Variants in MTFMT observed in about 807,000 individuals in gnomAD.
The protein encoded by MTFMT is mitochondrial methionyl-tRNA formyltransferase, also known as methionyl-tRNA formyltransferase, mitochondrial.
MTFMT carries 47 observed loss-of-function variants against 51.8 expected under a neutral mutation model. The observed-to-expected ratio is 0.91, with a 90% CI of 0.72 to 1.16. The LOEUF (loss-of-function observed/expected upper bound fraction) is 1.16. MTFMT is among the 50% of genes most tolerant of loss of function. The pLI, the probability that MTFMT is intolerant of heterozygous loss-of-function variation, is 0.00. For synonymous variants in MTFMT, 196 were observed against 176.7 expected (o/e 1.11, Z -0.87); for missense variants, 512 against 482.3 (o/e 1.06, Z -0.58).
At chr15:65,025,203 T>G (rs868683289) in intron 2 of MTFMT, among the ~76,000 whole-genome samples, 1 of 142,034 alleles carries the variant, frequency 7.0e-6, no homozygotes, top group Admixed American at 7.7e-5. Flanking sequence ...GGGACCAGGT[T>G]GGGCCACATA....
At chr15:65,006,806 A>G (rs1348855492) in intron 6 of MTFMT, among the ~76,000 whole-genome samples, 1 of 152,230 alleles carries the variant, frequency 6.6e-6, no homozygotes, top group East Asian at 1.9e-4. Flanking sequence ...TTAGAAAGTG[A>G]TATTCTGTAT....
chr15:65,024,884 T>A (rs1341127740), intron 2 of MTFMT, among the ~76,000 whole-genome samples: 1 of 152,094 alleles, frequency 6.6e-6, no homozygotes, highest in Non-Finnish European at 1.5e-5. Flanking sequence ...AGAAAACACT[T>A]GAACAAGAAC....
intron 6 of MTFMT, among the ~76,000 whole-genome samples, chr15:65,009,991 A>ACT (rs1279529973): frequency 2.0e-5 from 3 of 152,128 alleles, no homozygotes; most frequent in Non-Finnish European, 4.4e-5. Flanking sequence ...CTCTAGCAGC[A>ACT]GCCAGGGCAA....
chr15:65,019,727 T>C (rs1335100421), intron 5 of MTFMT, among the ~76,000 whole-genome samples: 1 of 152,086 alleles, frequency 6.6e-6, no homozygotes, highest in African/African-American at 2.4e-5. Flanking sequence ...TAAAATAAAT[T>C]TTTAGACAAT....
At chr15:65,023,508 T>C (rs2086393119) in intron 3 of MTFMT, among the ~76,000 whole-genome samples, 164 bp downstream of exon 3, 1 of 151,718 alleles carries the variant, frequency 6.6e-6, no homozygotes, top group African/African-American at 2.4e-5. Flanking sequence ...GACATATGGT[T>C]TATGTTAGAA....
intron 6 of MTFMT, among the ~76,000 whole-genome samples, chr15:65,012,128 TCAAAAAAAAAAA>T (rs2086273258): frequency 1.9e-5 from 1 of 53,540 alleles, no homozygotes; most frequent in African/African-American, 8.1e-5. Flanking sequence ...GGCACTCTTG[TCAAAAAAAAAAA>T]AAAAAAAAAA....
In MTFMT at chr15:65,004,885, T is replaced by C; in HGVS notation, c.944A>G (p.Lys315Arg). The C allele has an allele frequency of 6.2e-7, 1 of 1,610,252 alleles. No homozygotes were observed. Among genetic ancestry groups the C allele is most frequent in the Admixed American group, 1.7e-5 (1 of 59,712 alleles). ...ALIPGSVIYH[K>R]QSQILLVYCK... ...ATAAACCAATAGTATTTGTGACTGT[T>C]TGTGGTATATTACTGATCCTGGAAT... Residue 315 changes from lysine (K) to arginine (R), a missense_variant, in exon 8 of 9, where the codon AAA becomes AGA. By Grantham distance (26) the Lys-to-Arg change is conservative. Coordinates refer to ENST00000220058, the MANE Select transcript of MTFMT (RefSeq NM_139242.4).
Position 65,006,112 on chromosome 15 carries a change from C to A in MTFMT, c.892+1G>T. On this transcript the variant is annotated splice_donor_variant, in intron 7 of 8. Coordinates refer to ENST00000220058, the MANE Select transcript of MTFMT (RefSeq NM_139242.4). LOFTEE classifies it high-confidence loss of function. ...CATGTTAGCTATTCAAAAGTTAGTA[C>A]CAGCAAGGACTGAACTGTTAACTTC... is the stretch of plus-strand genomic sequence containing the variant. The A allele has an allele frequency of 3.7e-6, 6 of 1,610,478 alleles. No individual in the cohort carries two copies. The highest frequency in any genetic ancestry group is 3.3e-5 in the South Asian group (3 of 90,884).
At chr15:65,013,746 TCAGCCTG>T (rs544343676) in intron 6 of MTFMT, among the ~76,000 whole-genome samples, 134 of 151,906 alleles carry the variant, frequency 8.8e-4, no homozygotes, top group African/African-American at 3.1e-3. Context: ...GAGTTTGAGA[TCAGCCTG>T]GCCAACATGG....
chr15:65,005,674 T>A (rs2086215194), intron 7 of MTFMT, among the ~76,000 whole-genome samples: 1 of 150,158 alleles, frequency 6.7e-6, no homozygotes, highest in Admixed American at 6.7e-5. Flanking sequence ...AGCGGCGCAA[T>A]CTTGGCTCAC....
intron 1 of MTFMT, among the ~76,000 whole-genome samples, chr15:65,027,434 A>G (rs2086435154): frequency 6.6e-6 from 1 of 152,064 alleles, no homozygotes; most frequent in Non-Finnish European, 1.5e-5. Context: ...CCTGACCTCA[A>G]GTGATCCGTC....
rs946225067 is a variant in MTFMT, at chr15:65,029,517, C to G, written c.97G>C (p.Gly33Arg). Residue 33 changes from glycine to arginine, a missense_variant, in exon 1 of 9, where the codon GGC (glycine) becomes CGC (arginine). Gly to Arg is a moderately radical substitution (Grantham distance 125). Coordinates refer to ENST00000220058, the MANE Select transcript of MTFMT (RefSeq NM_139242.4). The part of the protein sequence containing the change: ...SPQWRALARL[G>R]WEDCRDSRVR... ...CTGGAGTCCCGGCAGTCCTCCCAGC[C>G]GAGTCGGGCCAGTGCTCGCCACTGG... 3.3e-6 allele frequency: 5 copies of G among 1,529,594 alleles called. No homozygotes were observed. The allele number at this position is 1,529,594 out of a possible 1,614,324, so 94.8% of individuals were successfully genotyped here.
rs149624926 is a variant in MTFMT, at chr15:65,005,137, C to G, written c.893-201G>C. ...ACATCAGAAACCCAAAGGAAAGCTT[C>G]CCATGCACATACAAAGCTATAATTC... On this transcript the variant is annotated intron_variant, in intron 7 of 8. Coordinates refer to ENST00000220058, the MANE Select transcript of MTFMT (RefSeq NM_139242.4). 7.2e-5 allele frequency among the ~76,000 whole-genome samples: 11 copies of G among 152,324 alleles called. No individual in the cohort carries two copies. In the East Asian group the frequency reaches 1.7e-3, roughly 24 times the overall value.
chr15:65,014,547 A>T (rs2086300296), intron 6 of MTFMT, among the ~76,000 whole-genome samples: 1 of 151,640 alleles, frequency 6.6e-6, no homozygotes, highest in African/African-American at 2.4e-5. Flanking sequence ...GCTGGTCTCG[A>T]ACTCCTGACC....
At chr15:65,004,206 G>A (rs773136328) in intron 8 of MTFMT, among the ~76,000 whole-genome samples, 5 of 151,894 alleles carry the variant, frequency 3.3e-5, no homozygotes, top group African/African-American at 4.8e-5. Context: ...TAGTAAAGAC[G>A]GGGTTTCTCT....
chr15:65,029,059 C>T (rs2086455036), intron 1 of MTFMT, among the ~76,000 whole-genome samples: 1 of 152,164 alleles, frequency 6.6e-6, no homozygotes, highest in Non-Finnish European at 1.5e-5. Flanking sequence ...CTCTCTGAGC[C>T]ACGGATTCCC....
At chr15:65,015,359 C>T (rs1046603781) in intron 6 of MTFMT, among the ~76,000 whole-genome samples, 30 of 152,076 alleles carry the variant, frequency 2.0e-4, no homozygotes, top group African/African-American at 6.3e-4. Flanking sequence ...AACACGACAT[C>T]GAGTAACACT....
chr15:65,023,761 C>T lies in MTFMT; in HGVS notation c.453G>A (p.Pro151=), dbSNP rs200928562. 20 of 1,612,842 alleles carry T rather than the reference C, an allele frequency of 1.2e-5. No individual in the cohort carries two copies. The East Asian group carries it at 1.6e-4, about 13-fold the overall frequency. ...TTACAGGGGCTGGGCCACGCCATCT[C>T]GGGAGGCAACTGGGATGAACATTCA... The part of the protein sequence containing the change: ...GILNVHPSCL[P]RWRGPAPVIH... The change falls in exon 3 of 9, where the codon CCG becomes CCA. Residue 151 remains proline (P), a synonymous_variant. Coordinates refer to ENST00000220058, the MANE Select transcript of MTFMT (RefSeq NM_139242.4).
chr15:65,004,050 C>T (rs1040023396), intron 8 of MTFMT, among the ~76,000 whole-genome samples: 4 of 151,262 alleles, frequency 2.6e-5, no homozygotes, highest in African/African-American at 9.7e-5. Context: ...GAGTTTCGCT[C>T]TTATTGCCCA....
Sources: gnomAD v4.1 joint callset for allele counts (sites outside exome capture counted in the v4.1 genomes callset) on GRCh38, gnomAD v4.1.1 for gene constraint, MANE v1.5 for transcripts, NCBI Gene and HGNC (gene_info 2026-07-23, HGNC 2026-07-21) for gene names.